The following ZNF292 variants were observed in gnomAD, a reference collection of about 807,000 sequenced individuals.
The protein encoded by ZNF292 is zinc finger protein 292, also known as 16 zinc-finger domain protein.
A neutral mutation model predicts 217.9 loss-of-function variants in ZNF292; 26 were observed. The ratio of observed to expected loss-of-function variants is 0.12; its 90% CI spans 0.09 to 0.17. ZNF292 has a LOEUF of 0.17. ZNF292 is among the 10% of genes least tolerant of loss of function. The pLI, the probability that ZNF292 is intolerant of heterozygous loss-of-function variation, is 1.00. For synonymous variants in ZNF292, 1,257 were observed against 1,124.1 expected, an observed-to-expected ratio of 1.12 and a Z score of -2.37; for missense variants, 2,904 against 3,175.2, an observed-to-expected ratio of 0.91 and a Z score of 2.05.
chr6:87,160,173 A>G (rs1770685219), intron 1 of ZNF292, among the ~76,000 whole-genome samples: 1 of 152,216 alleles, frequency 6.6e-6, no homozygotes, highest in African/African-American at 2.4e-5. Flanking sequence ...GTAAACTATG[A>G]TTTATATATT....
At chr6:87,164,025 T>A (rs775210180) in intron 1 of ZNF292, among the ~76,000 whole-genome samples, 4 of 152,204 alleles carry the variant, frequency 2.6e-5, no homozygotes, top group Non-Finnish European at 5.9e-5. Context: ...TTACAACCCT[T>A]GTTTCGCCCA....
At chr6:87,186,840 A>G (rs1771676460) in intron 1 of ZNF292, among the ~76,000 whole-genome samples, 1 of 152,232 alleles carries the variant, frequency 6.6e-6, no homozygotes, top group Non-Finnish European at 1.5e-5. Flanking sequence ...TGCTGTGTCC[A>G]GTCTTTTGTT....
intron 1 of ZNF292, among the ~76,000 whole-genome samples, chr6:87,199,546 G>A (rs950214517): frequency 2.0e-5 from 3 of 152,076 alleles, no homozygotes; most frequent in South Asian, 2.1e-4. Context: ...TTTGGTGTTC[G>A]AAGAACTCTT....
chr6:87,156,154 C>G (rs185467743), intron 1 of ZNF292, among the ~76,000 whole-genome samples: 3 of 152,390 alleles, frequency 2.0e-5, no homozygotes, highest in South Asian at 2.1e-4. Flanking sequence ...CTCTGCGCCT[C>G]TGCTTCCCAC....
chr6:87,204,553 G>GTTTTT (rs1562138301), intron 1 of ZNF292, among the ~76,000 whole-genome samples: 8 of 65,688 alleles, frequency 1.2e-4, no homozygotes, highest in East Asian at 1.2e-3. Context: ...TAACATTTAG[G>GTTTTT]ATTTTTTTTT....
intron 1 of ZNF292, among the ~76,000 whole-genome samples, chr6:87,193,029 G>A (rs180960519): frequency 6.6e-6 from 1 of 152,202 alleles, no homozygotes; most frequent in Non-Finnish European, 1.5e-5. Flanking sequence ...TTTCATTCCT[G>A]TTGTCCCAGC....
At chr6:87,206,314 C>T (rs2127793237) in intron 1 of ZNF292, among the ~76,000 whole-genome samples, 1 of 149,218 alleles carries the variant, frequency 6.7e-6, no homozygotes, top group Admixed American at 6.7e-5. Context: ...AGAATTCAAT[C>T]TACCACACTT....
intron 1 of ZNF292, among the ~76,000 whole-genome samples, chr6:87,210,535 G>A (rs935776331): frequency 2.0e-5 from 3 of 151,952 alleles, no homozygotes; most frequent in Non-Finnish European, 4.4e-5. Context: ...TAAAGAATGA[G>A]GTGAGGCAGG....
Position 87,258,480 on chromosome 6 carries a change from C to G in ZNF292, c.4851C>G (p.Ser1617=), listed in dbSNP as rs368017714. Residue 1617 remains serine, a synonymous_variant, in exon 8 of 8, where the codon TCC becomes TCG. Transcript: ENST00000369577. ...TAAGTGGTCCTCAGAACACAAGATC[C>G]AGTCATTTAAATAAAAAGGGAAACA... is the stretch of plus-strand genomic sequence containing the variant. ...SVISGPQNTR[S]SHLNKKGNSA... 29 of 1,613,498 alleles carry G rather than the reference C, an allele frequency of 1.8e-5. No individual in the cohort carries two copies. The highest frequency in any genetic ancestry group is 2.3e-5 in the Non-Finnish European group (27 of 1,179,750).
chr6:87,227,608 C>G (rs9450638), intron 4 of ZNF292, among the ~76,000 whole-genome samples: 1 of 151,856 alleles, frequency 6.6e-6, no homozygotes, highest in Admixed American at 6.6e-5. Context: ...TCCCTTAGCC[C>G]TCAGCCCCTG....
In ZNF292 at chr6:87,256,017, A is replaced by G. The variant is rs766755252; in HGVS notation, c.2388A>G (p.Leu796=). 44 of 1,607,214 alleles carry G rather than the reference A, an allele frequency of 2.7e-5. 1 individual carries two copies. Among genetic ancestry groups the G allele is most frequent in the Non-Finnish European group, 6.0e-6 (7 of 1,176,208 alleles). Residue 796 remains leucine (L), a synonymous_variant, in exon 8 of 8, where the codon CTA becomes CTG. Coordinates refer to ENST00000369577, the MANE Select transcript of ZNF292 (RefSeq NM_015021.3). The part of the protein sequence containing the change: ...CGRIFSEAYL[L]YDHEAQHYNT... ...GAATTTTTTCGGAAGCTTATTTACT[A>G]TATGATCATGAAGCACAACATTATA...
intron 4 of ZNF292, chr6:87,222,956 G>A: frequency 3.1e-6 from 1 of 326,658 alleles, no homozygotes; most frequent in African/African-American, 2.1e-5. Flanking sequence ...ATTAGACTGG[G>A]GTTATGGGTT....
intron 5 of ZNF292, among the ~76,000 whole-genome samples, chr6:87,240,171 G>A (rs1000817136): frequency 2.6e-5 from 4 of 152,282 alleles, no homozygotes; most frequent in African/African-American, 9.6e-5. Flanking sequence ...CCAACACAGC[G>A]AAACCCCGTC....
chr6:87,240,985 A>G (rs1052251971), intron 5 of ZNF292, among the ~76,000 whole-genome samples: 1 of 152,210 alleles, frequency 6.6e-6, no homozygotes, highest in African/African-American at 2.4e-5. Flanking sequence ...TTCTTTCTTT[A>G]AAAGAAGTAT....
intron 1 of ZNF292, among the ~76,000 whole-genome samples, chr6:87,197,465 T>G (rs1016755695): frequency 1.3e-4 from 20 of 150,498 alleles, no homozygotes; most frequent in African/African-American, 4.9e-4. Flanking sequence ...CTGGGCACAG[T>G]AGCTCACACC....
chr6:87,244,310 C>G (rs535773112), intron 6 of ZNF292, among the ~76,000 whole-genome samples: 1 of 152,174 alleles, frequency 6.6e-6, no homozygotes, highest in African/African-American at 2.4e-5. Flanking sequence ...ATAGTATATG[C>G]AATACAGAGA....
At chr6:87,240,708 C>T (rs1455911034) in intron 5 of ZNF292, among the ~76,000 whole-genome samples, 2 of 152,164 alleles carry the variant, frequency 1.3e-5, no homozygotes, top group Admixed American at 6.5e-5. Context: ...GCGTGAGCCA[C>T]CGGGCCCAGC....
intron 3 of ZNF292, 142 bp downstream of exon 3, chr6:87,216,519 A>T: frequency 1.6e-6 from 1 of 607,944 alleles, no homozygotes; most frequent in South Asian, 2.1e-5. Context: ...CTAGTATCTT[A>T]CATAGAGTAG....
At position 87,260,941 on chromosome 6, in the gene ZNF292, A is replaced by G. The variant is rs564135048; in HGVS notation, c.7312A>G (p.Thr2438Ala). ...KRCCNSQVKE[T>A]SEQEGAKNDV... is the part of the protein sequence containing the mutation. ...GTGTTGCAACTCACAAGTAAAGGAAACGTCTGAGCAAGAAGGTGCTAAGAA... is the reference window on the plus strand; with the variant it reads ...GTGTTGCAACTCACAAGTAAAGGAAGCGTCTGAGCAAGAAGGTGCTAAGAA... Residue 2438 changes from threonine (T) to alanine (A), a missense_variant, in exon 8 of 8, where the codon ACG becomes GCG. Transcript: ENST00000369577. 26 of 1,610,854 alleles carry G rather than the reference A, an allele frequency of 1.6e-5. No individual in the cohort carries two copies. In the East Asian group the frequency reaches 4.2e-4, roughly 26 times the overall value.
Sources: gnomAD v4.1 joint callset for allele counts (sites outside exome capture counted in the v4.1 genomes callset) on GRCh38, gnomAD v4.1.1 for gene constraint, MANE v1.5 for transcripts, NCBI Gene and HGNC (gene_info 2026-07-23, HGNC 2026-07-21) for gene names.